LGSN: variants seen among roughly 807,000 people sequenced by gnomAD.
LGSN encodes lengsin.
LGSN carries 21 observed loss-of-function variants against 19.5 expected under a neutral mutation model. The ratio of observed to expected loss-of-function variants is 1.07; its 90% CI spans 0.76 to 1.55. LGSN has a LOEUF of 1.55. Among genes scored for constraint, LGSN ranks in the 40% most tolerant of loss-of-function variants. The probability of loss-of-function intolerance (pLI) is 0.00; values close to 1 mark genes in which losing one functional copy is unlikely to be tolerated. For synonymous variants in LGSN, 257 were observed against 215.6 expected (o/e 1.19, Z -1.68); for missense variants, 673 against 608.5 (o/e 1.11, Z -1.12).
the LGSN span, among the ~76,000 whole-genome samples, chr6:63,373,945 G>C: frequency 6.6e-6 from 1 of 152,010 alleles, no homozygotes; most frequent in African/African-American, 2.4e-5. Context: ...TCTCAAAAAA[G>C]GCCAGGGTGG....
chr6:63,514,788 C>A, the LGSN span, among the ~76,000 whole-genome samples: 2 of 152,082 alleles, frequency 1.3e-5, no homozygotes, highest in East Asian at 3.9e-4. Context: ...ACAGCCTCAA[C>A]CTCCTGGGCT....
the LGSN span, among the ~76,000 whole-genome samples, chr6:63,504,604 G>A: frequency 7.2e-5 from 11 of 152,144 alleles, no homozygotes; most frequent in Admixed American, 1.3e-4. Flanking sequence ...CACCATGCCC[G>A]TCTAATTTTT....
At chr6:63,355,402 C>T in the LGSN span, among the ~76,000 whole-genome samples, 1 of 152,266 alleles carries the variant, frequency 6.6e-6, no homozygotes, top group African/African-American at 2.4e-5. Flanking sequence ...TAGAGGCAGG[C>T]AGAAATTGAA....
chr6:63,452,052 GT>G, the LGSN span, among the ~76,000 whole-genome samples: 2 of 118,672 alleles, frequency 1.7e-5, no homozygotes, highest in East Asian at 5.4e-4. Flanking sequence ...TTGTTTTCTT[GT>G]CTTTTTTTTT....
At chr6:63,322,568 G>A (rs1769109963), upstream of LGSN, among the ~76,000 whole-genome samples, 1 of 152,082 alleles carries the variant, frequency 6.6e-6, no homozygotes, top group East Asian at 1.9e-4. Context: ...TACCTAACAG[G>A]AAGACTACAT....
chr6:63,306,951 C>T (rs1768417317), intron 1 of LGSN, among the ~76,000 whole-genome samples: 1 of 152,164 alleles, frequency 6.6e-6, no homozygotes, highest in South Asian at 2.1e-4. Context: ...ACTTTCTCAA[C>T]TACCACACAA....
At chr6:63,288,201 T>C (rs528853318) in intron 2 of LGSN, among the ~76,000 whole-genome samples, 17 of 151,144 alleles carry the variant, frequency 1.1e-4, no homozygotes, top group Non-Finnish European at 2.2e-4. Flanking sequence ...TACTCCAGCC[T>C]GGGTGACAGA....
chr6:63,356,264 G>T, the LGSN span, among the ~76,000 whole-genome samples: 2 of 152,294 alleles, frequency 1.3e-5, no homozygotes, highest in South Asian at 4.1e-4. Flanking sequence ...AGCAGGCCAG[G>T]CACAGTGGCT....
At chr6:63,328,917 G>T in the LGSN span, among the ~76,000 whole-genome samples, 1 of 152,134 alleles carries the variant, frequency 6.6e-6, no homozygotes, top group Non-Finnish European at 1.5e-5. Context: ...CCCTTCAACT[G>T]TTTTAATGTC....
the LGSN span, among the ~76,000 whole-genome samples, chr6:63,398,204 T>C: frequency 7.4e-6 from 1 of 135,808 alleles, no homozygotes; most frequent in African/African-American, 3.2e-5. Context: ...TACTCCTATT[T>C]ACTAAAAAAA....
chr6:63,450,509 A>G, the LGSN span, among the ~76,000 whole-genome samples: 1 of 151,484 alleles, frequency 6.6e-6, no homozygotes, highest in African/African-American at 2.4e-5. Context: ...TGTGCCACTG[A>G]ACTCAAGCCT....
At chr6:63,378,462 G>T in the LGSN span, among the ~76,000 whole-genome samples, 1 of 152,214 alleles carries the variant, frequency 6.6e-6, no homozygotes, top group East Asian at 1.9e-4. Flanking sequence ...GATATTAATG[G>T]CTGTCTTACT....
the LGSN span, among the ~76,000 whole-genome samples, chr6:63,422,536 T>C: frequency 6.6e-6 from 1 of 152,116 alleles, no homozygotes; most frequent in Admixed American, 6.6e-5. Context: ...AAAAAATAAA[T>C]TCTGTTAAAA....
chr6:63,481,608 A>G, the LGSN span, among the ~76,000 whole-genome samples: 1 of 151,984 alleles, frequency 6.6e-6, no homozygotes, highest in Non-Finnish European at 1.5e-5. Flanking sequence ...AGCCTCCCAA[A>G]GTGCTGGGAT....
At chr6:63,373,742 G>C in the LGSN span, among the ~76,000 whole-genome samples, 1 of 152,134 alleles carries the variant, frequency 6.6e-6, no homozygotes, top group Non-Finnish European at 1.5e-5. Context: ...GGAGGCCAAG[G>C]CGGGCTGATC....
chr6:63,377,645 G>C, the LGSN span, among the ~76,000 whole-genome samples: 1 of 152,126 alleles, frequency 6.6e-6, no homozygotes, highest in African/African-American at 2.4e-5. Context: ...AGGCACGGTG[G>C]CTCACACCTG....
chr6:63,499,435 G>T, the LGSN span, among the ~76,000 whole-genome samples: 2 of 152,092 alleles, frequency 1.3e-5, no homozygotes, highest in Non-Finnish European at 2.9e-5. Context: ...TTCATAGATT[G>T]TTATATATTA....
chr6:63,346,059 C>T, the LGSN span, among the ~76,000 whole-genome samples: 1 of 152,126 alleles, frequency 6.6e-6, no homozygotes, highest in Non-Finnish European at 1.5e-5. Flanking sequence ...TCTATTTGGT[C>T]TCTGTCCCCG....
chr6:63,544,276 C>T, the LGSN span, among the ~76,000 whole-genome samples: 64 of 152,234 alleles, frequency 4.2e-4, 1 homozygote, highest in African/African-American at 1.5e-3. Context: ...ACTCAGATTC[C>T]CTGAATTTTA....
Sources: gnomAD v4.1 joint callset for allele counts (sites outside exome capture counted in the v4.1 genomes callset) on GRCh38, gnomAD v4.1.1 for gene constraint, MANE v1.5 for transcripts, NCBI Gene and HGNC (gene_info 2026-07-23, HGNC 2026-07-21) for gene names.